Variants in SLC39A11 observed in about 807,000 individuals in gnomAD.
The protein encoded by SLC39A11 is solute carrier family 39 member 11.
Under a neutral mutation model 36.1 loss-of-function variants are expected in SLC39A11, and 33 were observed. That is an observed-to-expected ratio of 0.91 (90% CI 0.69 to 1.22). The LOEUF is 1.22. SLC39A11 is among the 50% of genes most tolerant of loss of function. SLC39A11 has a pLI of 0.00. For missense variants in SLC39A11, 432 were observed against 430.3 expected, an observed-to-expected ratio of 1.00 and a Z score of -0.03; for synonymous variants, 166 against 170.3, an observed-to-expected ratio of 0.97 and a Z score of 0.20.
rs370978079 is a variant in SLC39A11 at position 72,786,968 on chromosome 17, C to T, written c.602-50249G>A. Among the ~76,000 whole-genome samples, 54 of 151,832 alleles carry T rather than the reference C, an allele frequency of 3.6e-4. 1 individual carries two copies. The East Asian group carries it at 9.3e-3, about 26-fold the overall frequency. Reference sequence around the variant, plus strand: ...CCAGGTAGCTGGGATTACAGGCACCCGCTGCCACGCCCAGCTAATTTTTGT... The same window carrying T: ...CCAGGTAGCTGGGATTACAGGCACCTGCTGCCACGCCCAGCTAATTTTTGT... On this transcript the variant is annotated intron_variant, in intron 6 of 9. Transcript: ENST00000255559.
At chr17:72,832,268 A>G (rs2078316785) in intron 6 of SLC39A11, among the ~76,000 whole-genome samples, 1 of 152,188 alleles carries the variant, frequency 6.6e-6, no homozygotes, top group South Asian at 2.1e-4. Flanking sequence ...GGTGGTCTGA[A>G]ATGGCTTGGA....
At chr17:72,786,526 C>G (rs1207461780) in intron 6 of SLC39A11, among the ~76,000 whole-genome samples, 1 of 152,078 alleles carries the variant, frequency 6.6e-6, no homozygotes, top group African/African-American at 2.4e-5. Context: ...GCCATGCCCC[C>G]AAATGTTCAG....
chr17:72,719,249 A>C (rs79700105), intron 7 of SLC39A11, among the ~76,000 whole-genome samples: 1 of 152,128 alleles, frequency 6.6e-6, no homozygotes, highest in Non-Finnish European at 1.5e-5. Context: ...TCTCAAAAAA[A>C]GCAATCCTGA....
intron 4 of SLC39A11, among the ~76,000 whole-genome samples, chr17:73,024,641 C>T (rs148771332): frequency 2.0e-5 from 3 of 152,220 alleles, no homozygotes; most frequent in African/African-American, 7.2e-5. Flanking sequence ...AGACAGTTGT[C>T]ATATTTGTTC....
chr17:72,978,663 T>G (rs1598695733), intron 4 of SLC39A11, among the ~76,000 whole-genome samples: 1 of 149,912 alleles, frequency 6.7e-6, no homozygotes, highest in African/African-American at 2.5e-5. Context: ...GAAGTGGAGG[T>G]GAGGGAGTAA....
At chr17:72,680,706 C>T (rs991752267) in intron 7 of SLC39A11, among the ~76,000 whole-genome samples, 4 of 152,194 alleles carry the variant, frequency 2.6e-5, no homozygotes, top group Non-Finnish European at 4.4e-5. Context: ...TAAAACTACA[C>T]GCATGTGGCC....
intron 6 of SLC39A11, among the ~76,000 whole-genome samples, chr17:72,748,208 G>T (rs2075019375): frequency 6.6e-6 from 1 of 152,002 alleles, no homozygotes; most frequent in Admixed American, 6.6e-5. Context: ...TGTAGTCCCA[G>T]CTACTTGGGA....
At chr17:72,696,594 C>T (rs763276608) in intron 7 of SLC39A11, among the ~76,000 whole-genome samples, 6 of 152,086 alleles carry the variant, frequency 3.9e-5, no homozygotes, top group Non-Finnish European at 7.4e-5. Context: ...ATGAGACCCA[C>T]GCTCCTCAGA....
At chr17:72,751,357 T>C (rs2075148224) in intron 6 of SLC39A11, among the ~76,000 whole-genome samples, 1 of 152,196 alleles carries the variant, frequency 6.6e-6, no homozygotes, top group South Asian at 2.1e-4. Flanking sequence ...CTCTTCCCAT[T>C]TGAAGAAGAC....
chr17:72,837,349 T>G (rs1015147706), intron 6 of SLC39A11, among the ~76,000 whole-genome samples: 11 of 126,732 alleles, frequency 8.7e-5, no homozygotes, highest in African/African-American at 3.5e-4. Flanking sequence ...ACTATAAAAA[T>G]GTATATTGCT....
chr17:72,903,744 G>T (rs1181566206), intron 5 of SLC39A11, among the ~76,000 whole-genome samples: 1 of 152,154 alleles, frequency 6.6e-6, no homozygotes, highest in Non-Finnish European at 1.5e-5. Flanking sequence ...GGCTTGATTG[G>T]TCTTTTTATT....
intron 3 of SLC39A11, among the ~76,000 whole-genome samples, chr17:73,049,679 C>CTACT (rs2059430798): frequency 6.6e-6 from 1 of 152,156 alleles, no homozygotes; most frequent in Admixed American, 6.5e-5. Context: ...TTTCAAGTGC[C>CTACT]TACTCTCTGC....
chr17:72,793,723 C>A (rs374494726), intron 6 of SLC39A11, among the ~76,000 whole-genome samples: 12 of 152,266 alleles, frequency 7.9e-5, no homozygotes, highest in East Asian at 3.9e-4. Flanking sequence ...AGCTGCCACA[C>A]CCAGTCTGGA....
intron 7 of SLC39A11, among the ~76,000 whole-genome samples, chr17:72,697,992 C>G (rs1446799028): frequency 1.3e-5 from 2 of 152,204 alleles, no homozygotes; most frequent in Admixed American, 6.5e-5. Context: ...CCGCCTTGGA[C>G]AGTGGATTTA....
At chr17:72,779,028 GC>G (rs1375613731) in intron 6 of SLC39A11, among the ~76,000 whole-genome samples, 2 of 152,190 alleles carry the variant, frequency 1.3e-5, no homozygotes, top group Non-Finnish European at 2.9e-5. Flanking sequence ...CCCTGATCCT[GC>G]CGAACTGAAG....
chr17:73,018,912 C>T (rs925938463), intron 4 of SLC39A11, among the ~76,000 whole-genome samples: 2 of 151,600 alleles, frequency 1.3e-5, no homozygotes, highest in African/African-American at 2.4e-5. Flanking sequence ...AGTCAAAATG[C>T]TAAAAACTAA....
In SLC39A11 at chr17:72,849,846, G is replaced by C. The variant is rs1224812638; in HGVS notation, c.431-42C>G. On this transcript the variant is annotated intron_variant, in intron 5 of 9. Coordinates refer to ENST00000255559, the MANE Select transcript of SLC39A11 (RefSeq NM_139177.4). ...AAAAAGAGAGATGGGGAAAGACAGC[G>C]CTTTGAACATGTGCACGTTAACTCT... The C allele has an allele frequency of 5.4e-6, 8 of 1,484,602 alleles. No individual in the cohort carries two copies. In the East Asian group the frequency reaches 1.4e-4, roughly 26 times the overall value. The allele number at this position is 1,484,602 out of a possible 1,614,324, so 92.0% of individuals were successfully genotyped here. A position where few individuals can be genotyped will look rare whatever the true frequency, so the allele number is the denominator to read the frequency against.
chr17:72,833,958 C>T (rs1234714637), intron 6 of SLC39A11, among the ~76,000 whole-genome samples: 1 of 152,210 alleles, frequency 6.6e-6, no homozygotes, highest in Non-Finnish European at 1.5e-5. Context: ...AAAAGGCTGA[C>T]ATTTAAATTA....
At chr17:72,858,302 A>G (rs1162453823) in intron 5 of SLC39A11, among the ~76,000 whole-genome samples, 1 of 152,022 alleles carries the variant, frequency 6.6e-6, no homozygotes, top group Non-Finnish European at 1.5e-5. Context: ...TCAGCCTTAT[A>G]TATGGGTTTT....
Sources: allele counts gnomAD v4.1 joint callset (sites outside exome capture counted in the v4.1 genomes callset), GRCh38; gene constraint gnomAD v4.1.1; transcripts MANE v1.5; gene names NCBI Gene and HGNC (gene_info 2026-07-23, HGNC 2026-07-21).